FAP: variants seen among roughly 807,000 people sequenced by gnomAD.
The protein encoded by FAP is fibroblast activation protein alpha, also known as prolyl endopeptidase FAP.
A neutral mutation model predicts 126.5 loss-of-function variants in FAP; 110 were observed. The observed-to-expected ratio is 0.87, with a 90% confidence interval of 0.74 to 1.02. The LOEUF (loss-of-function observed/expected upper bound fraction) is 1.02, where lower values mean the gene tolerates loss of function less well. FAP is among the 50% of genes least tolerant of loss of function. The probability of loss-of-function intolerance (pLI) is 0.00; values close to 1 mark genes in which losing one functional copy is unlikely to be tolerated. For synonymous variants in FAP, 334 were observed against 297.3 expected (o/e 1.12, Z -1.27); for missense variants, 919 against 909.2 (o/e 1.01, Z -0.14).
At chr2:162,180,100 C>A (rs999930747) in intron 21 of FAP, among the ~76,000 whole-genome samples, 3 of 151,962 alleles carry the variant, frequency 2.0e-5, no homozygotes, top group Non-Finnish European at 4.4e-5. Flanking sequence ...AGGCACCACT[C>A]CTGGCCATAA....
chr2:162,173,911 T>G lies in FAP; in HGVS notation c.1970-124A>C, dbSNP rs1687398798. ...CATCTTGAGCTCTTGAGGTAAATTC[T>G]TGCTTTACTTTGCTATAATGGTTGG... On this transcript the variant is annotated intron_variant, in intron 22 of 25. Transcript: ENST00000188790. 1.0e-5 allele frequency: 7 copies of G among 701,686 alleles called. No homozygotes were observed. In the East Asian group the frequency reaches 1.8e-4, roughly 18 times the overall value. The allele number at this position is 701,686 out of a possible 1,614,324, so 43.5% of individuals were successfully genotyped here.
chr2:162,187,037 C>CT (rs1039802973), intron 20 of FAP, among the ~76,000 whole-genome samples: 4 of 151,060 alleles, frequency 2.6e-5, no homozygotes, highest in Admixed American at 6.6e-5. Flanking sequence ...CTCAGATAGA[C>CT]TTTTTTTTTA....
intron 2 of FAP, among the ~76,000 whole-genome samples, chr2:162,234,593 G>C (rs530011584): frequency 3.3e-5 from 5 of 152,152 alleles, no homozygotes; most frequent in African/African-American, 1.2e-4. Flanking sequence ...AATTGCCTTG[G>C]CTAGAACCAC....
intron 7 of FAP, among the ~76,000 whole-genome samples, chr2:162,219,427 CA>C (rs1476695066): frequency 6.6e-6 from 1 of 151,998 alleles, no homozygotes; most frequent in African/African-American, 2.4e-5. Context: ...TCATTAACCC[CA>C]AATAAATAAT....
intron 3 of FAP, 39 bp from the exon 4 acceptor site, chr2:162,225,616 C>T (rs747224408): frequency 1.3e-6 from 2 of 1,538,512 alleles, no homozygotes; most frequent in Non-Finnish European, 1.8e-6. Context: ...AATGATCTCT[C>T]TTAACATGAA....
At position 162,223,652 on chromosome 2, in the gene FAP, T is replaced by C; in HGVS notation, c.369A>G (p.Arg123=). The C allele has an allele frequency of 1.2e-6, 2 of 1,609,280 alleles. No individual in the cohort carries two copies. The highest frequency in any genetic ancestry group is 1.3e-5 in the African/African-American group (1 of 74,928). Reference sequence around the variant, plus strand: ...TGTAATATGTTGCTGTGTAAGAGTATCTCCAAAGCTGTCAGAAAGAAGAAA... The same window carrying C: ...TGTAATATGTTGCTGTGTAAGAGTACCTCCAAAGCTGTCAGAAAGAAGAAA... ...YLESDYSKLW[R]YSYTATYYIY... is the part of the protein sequence containing the mutation. The change falls in exon 6 of 26, where the codon AGA becomes AGG. Residue 123 remains arginine, a synonymous_variant. Transcript: ENST00000188790.
In FAP at chr2:162,183,731, G is replaced by A. The variant is rs114113606; in HGVS notation, c.1815-263C>T. The A allele has an allele frequency of 1.6e-3, 487 of 303,114 alleles. 3 individuals carry two copies. The highest frequency in any genetic ancestry group is 9.9e-3 in the African/African-American group (455 of 45,752). 18.8% of individuals were successfully genotyped at this position (303,114 alleles called of 1,614,324 possible). On this transcript the variant is annotated intron_variant, in intron 20 of 25. Transcript: ENST00000188790. ...CGGTATAAGGCCTTGTAGTCTAATC[G>A]TGGGGGTGTACCTGAGACTCAGAGA...
At chr2:162,242,796 G>T in intron 2 of FAP, 112 bp downstream of exon 2, 1 of 742,368 alleles carries the variant, frequency 1.3e-6, no homozygotes, top group South Asian at 1.8e-5. Context: ...AGAAATAACA[G>T]ACTTACTTTG....
At position 162,214,059 on chromosome 2, in the gene FAP, C is replaced by A; in HGVS notation, c.881G>T (p.Ser294Ile). The change falls in exon 11 of 26, where the codon AGT (serine) becomes ATT (isoleucine). Residue 294 changes from serine to isoleucine, a missense_variant. Physicochemically the swap from Ser to Ile is moderately radical, Grantham distance 142. Transcript: ENST00000188790. ...AMIASSDYYF[S>I]WLTWVTDERV... ...TTCATCAGTAACCCACGTGAGCCAA[C>A]TGAAATAATAATCACTGCAAATAAA... The A allele has an allele frequency of 6.2e-7, 1 of 1,613,898 alleles. No individual in the cohort carries two copies. The highest frequency in any genetic ancestry group is 8.5e-7 in the Non-Finnish European group (1 of 1,179,910).
At chr2:162,198,714 A>T in intron 16 of FAP, 43 bp downstream of exon 16, 1 of 1,609,394 alleles carries the variant, frequency 6.2e-7, no homozygotes, top group Non-Finnish European at 8.5e-7. Context: ...GATGACAACC[A>T]TGCCTGTGGG....
chr2:162,238,039 G>T (rs1215268332), intron 2 of FAP, among the ~76,000 whole-genome samples: 16 of 150,668 alleles, frequency 1.1e-4, no homozygotes, highest in Non-Finnish European at 2.2e-4. Flanking sequence ...ACTTTTTGAT[G>T]GGATTGTTTT....
intron 2 of FAP, among the ~76,000 whole-genome samples, chr2:162,236,620 G>T (rs183706506): frequency 2.4e-3 from 371 of 151,980 alleles, no homozygotes; most frequent in African/African-American, 8.7e-3. Flanking sequence ...TTTTTGGTGG[G>T]GGGGCAGGGA....
At chr2:162,224,349 C>T (rs1026067124) in intron 5 of FAP, 117 bp downstream of exon 5, 36 of 624,286 alleles carry the variant, frequency 5.8e-5, no homozygotes, top group South Asian at 3.0e-4. Context: ...TTATTGGTGA[C>T]GAGGGCCTGA....
intron 21 of FAP, among the ~76,000 whole-genome samples, chr2:162,177,383 C>T (rs886889570): frequency 1.3e-5 from 2 of 152,110 alleles, no homozygotes; most frequent in Non-Finnish European, 2.9e-5. Flanking sequence ...TTTATGGTCT[C>T]ACACAATCTG....
chr2:162,172,777 A>C (rs759802457), intron 25 of FAP, 34 bp downstream of exon 25: 2 of 1,443,848 alleles, frequency 1.4e-6, no homozygotes, highest in South Asian at 2.3e-5. Flanking sequence ...TGAGGGTCTA[A>C]GGCCATGAAC....
At chr2:162,173,908 T>C in intron 22 of FAP, 121 bp from the exon 23 acceptor site, 1 of 735,062 alleles carries the variant, frequency 1.4e-6, no homozygotes, top group Non-Finnish European at 2.4e-6. Flanking sequence ...TTGAGGTAAA[T>C]TCTTGCTTTA....
At chr2:162,192,583 C>G (rs1371541201) in intron 17 of FAP, among the ~76,000 whole-genome samples, 1 of 152,090 alleles carries the variant, frequency 6.6e-6, no homozygotes, top group African/African-American at 2.4e-5. Context: ...CTTCCAAGGC[C>G]TGAGTTACCA....
chr2:162,207,105 A>C (rs1337263790), intron 12 of FAP, among the ~76,000 whole-genome samples: 1 of 152,204 alleles, frequency 6.6e-6, no homozygotes, highest in East Asian at 1.9e-4. Context: ...ACACATTTCT[A>C]GTTTTTTCTG....
At chr2:162,192,746 C>A (rs915798735) in intron 17 of FAP, among the ~76,000 whole-genome samples, 1 of 152,106 alleles carries the variant, frequency 6.6e-6, no homozygotes, top group African/African-American at 2.4e-5. Flanking sequence ...TCATCATCCT[C>A]CCAAAACCTG....
Sources: gnomAD v4.1 joint callset for allele counts (sites outside exome capture counted in the v4.1 genomes callset) on GRCh38, gnomAD v4.1.1 for gene constraint, MANE v1.5 for transcripts, NCBI Gene and HGNC (gene_info 2026-07-23, HGNC 2026-07-21) for gene names.